The following BIRC2 variants were observed in gnomAD, a reference collection of about 807,000 sequenced individuals.
The protein encoded by BIRC2 is baculoviral IAP repeat containing 2.
Under a neutral mutation model 60.9 loss-of-function variants are expected in BIRC2, and 18 were observed. That is an observed-to-expected ratio of 0.30 (90% confidence interval 0.20 to 0.44). BIRC2 has a LOEUF of 0.44. Among genes scored for constraint, BIRC2 ranks in the 20% least tolerant of loss-of-function variants. The pLI is 1.00. For synonymous variants in BIRC2, 282 were observed against 247.7 expected (o/e 1.14, Z -1.30); for missense variants, 701 against 728.5 (o/e 0.96, Z 0.43).
intron 5 of BIRC2, among the ~76,000 whole-genome samples, chr11:102,365,501 C>T: frequency 6.6e-6 from 1 of 152,174 alleles, no homozygotes; most frequent in East Asian, 1.9e-4. Flanking sequence ...GTCATGGTAA[C>T]CAGGGACTGC....
intron 3 of BIRC2, among the ~76,000 whole-genome samples, chr11:102,355,650 A>T (rs1162756422): frequency 1.3e-5 from 2 of 152,128 alleles, no homozygotes; most frequent in Non-Finnish European, 2.9e-5. Context: ...TTTCTGTGAT[A>T]AAAAAGTCAT....
At chr11:102,364,148 T>TATATATATATATATATATATATATATAC (rs1951519007) in intron 5 of BIRC2, among the ~76,000 whole-genome samples, 1 of 62,460 alleles carries the variant, frequency 1.6e-5, no homozygotes, top group Non-Finnish European at 3.2e-5. Context: ...ATTATATATA[T>TATATATATATATATATATATATATATAC]ATATATATAT....
At chr11:102,367,474 C>T (rs1053273832) in intron 5 of BIRC2, among the ~76,000 whole-genome samples, 2 of 152,122 alleles carry the variant, frequency 1.3e-5, no homozygotes, top group Non-Finnish European at 2.9e-5. Context: ...ACGGATTCCA[C>T]GCGTGTTTGA....
Position 102,362,252 on chromosome 11 carries a change from C to T in BIRC2, c.996-644C>T, listed in dbSNP as rs35349073. 2.0e-5 allele frequency among the ~76,000 whole-genome samples: 3 copies of T among 151,778 alleles called. No homozygotes were observed. The East Asian group carries it at 5.8e-4, about 29-fold the overall frequency. On this transcript the variant is annotated intron_variant, in intron 3 of 8. Coordinates refer to ENST00000227758, the MANE Select transcript of BIRC2 (RefSeq NM_001166.5). The stretch of plus-strand genomic sequence containing the variant: ...TATAATATGGGCATAGGTCAGTGTT[C>T]CTTTTTTTTAACATATGAATATTCT...
In BIRC2 at chr11:102,349,959, C is replaced by G; in HGVS notation, c.105C>G (p.Asn35Lys). The G allele has an allele frequency of 6.2e-7, 1 of 1,614,112 alleles. No individual in the cohort carries two copies. The highest frequency in any genetic ancestry group is 1.1e-5 in the South Asian group (1 of 91,084). ...TCTTGTCAGATTGGACAAACAGCAA[C>G]AAACAAAAAATGAAGTATGACTTTT... The part of the protein sequence containing the change: ...STILSDWTNS[N>K]KQKMKYDFSC... Residue 35 changes from asparagine (N) to lysine (K), a missense_variant, in exon 2 of 9, where the codon AAC (asparagine) becomes AAG (lysine). Asn to Lys is a moderately conservative substitution (Grantham distance 94, BLOSUM62 0). Transcript: ENST00000227758.
At position 102,350,828 on chromosome 11, in the gene BIRC2, CT is replaced by C. The variant is rs756779634; in HGVS notation, c.896-8del. ...AACATACGTGTTTTCAATATTTAGT[CT>C]TTTTTTTCCTGAAGGTCGCAATGAT... On this transcript the variant is annotated splice_polypyrimidine_tract_variant and intron_variant, in intron 2 of 8. Transcript: ENST00000227758. 4.3e-6 allele frequency: 7 copies of C among 1,611,048 alleles called. No individual in the cohort carries two copies. Among genetic ancestry groups the C allele is most frequent in the East Asian group, 4.5e-5 (2 of 44,864 alleles).
chr11:102,365,744 G>C (rs1443411281), intron 5 of BIRC2, among the ~76,000 whole-genome samples: 2 of 84,410 alleles, frequency 2.4e-5, no homozygotes, highest in Non-Finnish European at 2.7e-5. Flanking sequence ...ATTCAGCTAA[G>C]TGTGTGTGTG....
intron 3 of BIRC2, among the ~76,000 whole-genome samples, chr11:102,352,081 G>T (rs1951369361): frequency 6.6e-6 from 1 of 151,358 alleles, no homozygotes; most frequent in Non-Finnish European, 1.5e-5. Flanking sequence ...CCAACATCCT[G>T]GCAACCACCA....
Position 102,378,259 on chromosome 11 carries a change from A to T in BIRC2, c.*76A>T. 2 of 1,170,444 alleles carry T rather than the reference A, an allele frequency of 1.7e-6. No individual in the cohort carries two copies. The highest frequency in any genetic ancestry group is 2.3e-6 in the Non-Finnish European group (2 of 870,538). 72.5% of individuals were successfully genotyped at this position (1,170,444 alleles called of 1,614,324 possible). A position where few individuals can be genotyped will look rare whatever the true frequency, so the allele number is the denominator to read the frequency against. On this transcript the variant is annotated 3_prime_UTR_variant, in exon 9 of 9. Transcript: ENST00000227758. ...TTGAACACTTGAAGCCATCTAAAGTAAAAAGGGAATTATGAGTTTTTCAAT... is the reference window on the plus strand; with the variant it reads ...TTGAACACTTGAAGCCATCTAAAGTTAAAAGGGAATTATGAGTTTTTCAAT...
intron 5 of BIRC2, among the ~76,000 whole-genome samples, chr11:102,364,679 G>A (rs1393437699): frequency 6.6e-6 from 1 of 152,220 alleles, no homozygotes; most frequent in African/African-American, 2.4e-5. Flanking sequence ...AAGATTGGCA[G>A]ATTTGTTAAC....
intron 6 of BIRC2, among the ~76,000 whole-genome samples, chr11:102,374,739 G>GTA (rs1951685792): frequency 6.6e-6 from 1 of 152,214 alleles, no homozygotes; most frequent in African/African-American, 2.4e-5. Context: ...ATCAAGCCTG[G>GTA]GCAATGGCGG....
chr11:102,348,035 C>T (rs1235575564), intron 1 of BIRC2, among the ~76,000 whole-genome samples: 1 of 152,148 alleles, frequency 6.6e-6, no homozygotes, highest in Non-Finnish European at 1.5e-5. Context: ...TTTCACAGGC[C>T]ACTGTGTTAG....
intron 3 of BIRC2, among the ~76,000 whole-genome samples, chr11:102,354,868 C>T (rs1951402623): frequency 6.7e-6 from 1 of 150,324 alleles, no homozygotes; most frequent in Non-Finnish European, 1.5e-5. Flanking sequence ...TTTTCATGTA[C>T]CTGTTGGCCA....
chr11:102,362,066 G>A (rs1272433248), intron 3 of BIRC2, among the ~76,000 whole-genome samples: 3 of 152,022 alleles, frequency 2.0e-5, no homozygotes, highest in African/African-American at 7.2e-5. Context: ...TTTTGATGAT[G>A]TCAATTTATC....
intron 5 of BIRC2, among the ~76,000 whole-genome samples, chr11:102,366,723 C>G (rs951199946): frequency 6.6e-6 from 1 of 152,266 alleles, no homozygotes; most frequent in East Asian, 1.9e-4. Context: ...AACATCCTAA[C>G]AAGTCTTCCT....
chr11:102,370,173 G>C (rs757263565), intron 6 of BIRC2, among the ~76,000 whole-genome samples: 12,776 of 149,086 alleles, frequency 0.086, 642 homozygotes, highest in South Asian at 0.15. Context: ...AGTTGAATTA[G>C]ATCCCATTTG....
chr11:102,377,944 T>C (rs1391687725), intron 8 of BIRC2, 46 bp downstream of exon 8: 2 of 1,602,072 alleles, frequency 1.2e-6, no homozygotes, highest in South Asian at 2.3e-5. Flanking sequence ...CCCTTTTTTT[T>C]TAATGAAGTG....
chr11:102,363,016 A>C, intron 4 of BIRC2, 42 bp downstream of exon 4: 1 of 1,399,596 alleles, frequency 7.1e-7, no homozygotes. Context: ...ATTCTGCTTT[A>C]TAATAACAAA....
intron 3 of BIRC2, among the ~76,000 whole-genome samples, chr11:102,352,664 C>G (rs1951377326): frequency 6.6e-6 from 1 of 152,136 alleles, no homozygotes; most frequent in African/African-American, 2.4e-5. Context: ...CTCCTGAGCT[C>G]AAGTGATCTG....
Sources: gnomAD v4.1 joint callset for allele counts (sites outside exome capture counted in the v4.1 genomes callset) on GRCh38, gnomAD v4.1.1 for gene constraint, MANE v1.5 for transcripts, NCBI Gene and HGNC (gene_info 2026-07-23, HGNC 2026-07-21) for gene names.